CRTC3: variants seen among roughly 807,000 people sequenced by gnomAD.
CRTC3 encodes the protein CREB regulated transcription coactivator 3.
A neutral mutation model predicts 74.5 loss-of-function variants in CRTC3; 26 were observed. That is an observed-to-expected ratio of 0.35 (90% confidence interval 0.26 to 0.48). CRTC3 has a LOEUF of 0.48. CRTC3 is among the 20% of genes least tolerant of loss of function. CRTC3 has a pLI of 0.99. For synonymous variants in CRTC3, 377 were observed against 325.8 expected (o/e 1.16, Z -1.69); for missense variants, 760 against 787.3 (o/e 0.97, Z 0.41).
intron 9 of CRTC3, among the ~76,000 whole-genome samples, chr15:90,622,805 C>T (rs1408079480): frequency 4.6e-5 from 7 of 152,014 alleles, no homozygotes; most frequent in Admixed American, 1.3e-4. Context: ...GAGCCAAGAT[C>T]GCACCACTGC....
chr15:90,618,159 G>T, intron 8 of CRTC3, 191 bp downstream of exon 8: 1 of 345,312 alleles, frequency 2.9e-6, no homozygotes, highest in Non-Finnish European at 5.3e-6. Flanking sequence ...CAATGAATTA[G>T]CACATTGATC....
At chr15:90,552,031 G>A (rs531465282) in intron 2 of CRTC3, among the ~76,000 whole-genome samples, 6 of 152,074 alleles carry the variant, frequency 3.9e-5, no homozygotes, top group South Asian at 4.2e-4. Context: ...CTCCTGCTCC[G>A]TCCCTACTCC....
intron 11 of CRTC3, chr15:90,634,647 T>A (rs1969166446): frequency 1.8e-6 from 1 of 546,034 alleles, no homozygotes; most frequent in East Asian, 3.2e-5. Context: ...CTGCTCATGT[T>A]TAAGAACAGG....
At chr15:90,625,251 C>T (rs531956291) in intron 9 of CRTC3, among the ~76,000 whole-genome samples, 6 of 152,350 alleles carry the variant, frequency 3.9e-5, no homozygotes, top group South Asian at 2.1e-4. Context: ...ATCATGGTGC[C>T]GCCAACATGC....
intron 10 of CRTC3, among the ~76,000 whole-genome samples, chr15:90,628,196 G>A (rs1318221151): frequency 6.6e-6 from 1 of 151,632 alleles, no homozygotes; most frequent in Non-Finnish European, 1.5e-5. Flanking sequence ...CAGCCTGGGT[G>A]ACAGAGCGAG....
chr15:90,625,465 G>A (rs551867242), intron 9 of CRTC3, among the ~76,000 whole-genome samples: 132 of 152,318 alleles, frequency 8.7e-4, no homozygotes, highest in African/African-American at 3.1e-3. Context: ...TACATAAATA[G>A]CAGTGCCTCA....
intron 2 of CRTC3, among the ~76,000 whole-genome samples, chr15:90,558,105 TTG>T (rs1197392086): frequency 1.9e-4 from 29 of 152,334 alleles, no homozygotes; most frequent in Non-Finnish European, 3.5e-4. Flanking sequence ...TTCCAGTTAC[TTG>T]TGCCAAAACC....
intron 7 of CRTC3, among the ~76,000 whole-genome samples, chr15:90,617,159 G>A (rs1006723171): frequency 6.6e-6 from 1 of 152,032 alleles, no homozygotes; most frequent in Non-Finnish European, 1.5e-5. Flanking sequence ...CTTCTCCTGT[G>A]TCTCTAAAGG....
intron 2 of CRTC3, among the ~76,000 whole-genome samples, chr15:90,546,005 T>G (rs963364689): frequency 1.3e-5 from 2 of 152,252 alleles, no homozygotes; most frequent in African/African-American, 2.4e-5. Flanking sequence ...GTGGCTTGTT[T>G]TTTCATTTTC....
intron 2 of CRTC3, among the ~76,000 whole-genome samples, chr15:90,542,837 G>A (rs1347438699): frequency 6.6e-6 from 1 of 152,106 alleles, no homozygotes; most frequent in Non-Finnish European, 1.5e-5. Flanking sequence ...CAGTTTTTTT[G>A]TAGATATAAC....
chr15:90,578,615 A>G (rs140789919), intron 2 of CRTC3, among the ~76,000 whole-genome samples: 2 of 152,074 alleles, frequency 1.3e-5, no homozygotes, highest in Non-Finnish European at 2.9e-5. Flanking sequence ...TATTATACAC[A>G]TATGTTTAAT....
chr15:90,632,241 CTG>C (rs1248954927), intron 11 of CRTC3, among the ~76,000 whole-genome samples: 1 of 152,018 alleles, frequency 6.6e-6, no homozygotes, highest in African/African-American at 2.4e-5. Context: ...TTTAAGGAGA[CTG>C]TATGGCCAGA....
intron 14 of CRTC3, 38 bp downstream of exon 14, chr15:90,641,237 T>C (rs1969430122): frequency 7.7e-7 from 1 of 1,300,578 alleles, no homozygotes; most frequent in African/African-American, 1.5e-5. Context: ...ACTGCTTTTA[T>C]GTTGTTGTGT....
At chr15:90,600,975 G>A (rs1968054039) in intron 3 of CRTC3, among the ~76,000 whole-genome samples, 1 of 152,136 alleles carries the variant, frequency 6.6e-6, no homozygotes. Flanking sequence ...CTGTGTTTGT[G>A]GAACTCAGAA....
At chr15:90,562,336 A>G (rs1967030156) in intron 2 of CRTC3, among the ~76,000 whole-genome samples, 1 of 152,172 alleles carries the variant, frequency 6.6e-6, no homozygotes, top group African/African-American at 2.4e-5. Flanking sequence ...GATAGGCATT[A>G]TCATCCCCAT....
chr15:90,577,542 A>G (rs898756405), intron 2 of CRTC3, among the ~76,000 whole-genome samples: 1 of 152,236 alleles, frequency 6.6e-6, no homozygotes, highest in Non-Finnish European at 1.5e-5. Context: ...ACAGTGTATC[A>G]GTAAGTTACC....
chr15:90,559,933 A>G (rs188400388), intron 2 of CRTC3, among the ~76,000 whole-genome samples: 5 of 152,150 alleles, frequency 3.3e-5, no homozygotes, highest in African/African-American at 2.4e-5. Flanking sequence ...GTGAGCCACC[A>G]TGTCTGGCCT....
chr15:90,572,603 TCTCA>T (rs1213268310), intron 2 of CRTC3, among the ~76,000 whole-genome samples: 1 of 152,102 alleles, frequency 6.6e-6, no homozygotes, highest in Non-Finnish European at 1.5e-5. Context: ...TGAGATGGAG[TCTCA>T]CTCTGTCACC....
intron 9 of CRTC3, among the ~76,000 whole-genome samples, chr15:90,622,444 TTC>T (rs1451872495): frequency 1.3e-5 from 2 of 152,214 alleles, no homozygotes; most frequent in African/African-American, 4.8e-5. Context: ...TGGATCTTTC[TTC>T]TCAGTCAGAA....
Sources: gnomAD v4.1 joint callset for allele counts (sites outside exome capture counted in the v4.1 genomes callset) on GRCh38, gnomAD v4.1.1 for gene constraint, MANE v1.5 for transcripts, NCBI Gene and HGNC (gene_info 2026-07-23, HGNC 2026-07-21) for gene names.